The following FBXL7 variants were observed in gnomAD, a reference collection of about 807,000 sequenced individuals.
FBXL7 encodes F-box/LRR-repeat protein 7.
FBXL7 carries 12 observed loss-of-function variants against 38.3 expected under a neutral mutation model. The ratio of observed to expected loss-of-function variants is 0.31; its 90% CI spans 0.20 to 0.51. The LOEUF is 0.51. Ranked by LOEUF, FBXL7 falls within the 20% of genes least tolerant of loss-of-function variation. The pLI, the probability that FBXL7 is intolerant of heterozygous loss-of-function variation, is 0.98. For missense variants in FBXL7, 567 were observed against 676.4 expected (o/e 0.84, Z 1.79); for synonymous variants, 297 against 300.9 (o/e 0.99, Z 0.13).
chr5:15,737,634 G>A (rs1301831429), intron 2 of FBXL7, among the ~76,000 whole-genome samples: 1 of 152,148 alleles, frequency 6.6e-6, no homozygotes, highest in African/African-American at 2.4e-5. Flanking sequence ...AGGAAACCAG[G>A]ATGCTTGAGA....
Position 15,577,457 on chromosome 5 carries a change from C to T in FBXL7, c.38-38526C>T, listed in dbSNP as rs541169227. Among the ~76,000 whole-genome samples, 11 of 152,298 alleles carry T rather than the reference C, an allele frequency of 7.2e-5. No homozygotes were observed. In the East Asian group the frequency reaches 2.1e-3, roughly 29 times the overall value. On this transcript the variant is annotated intron_variant, in intron 1 of 3. Transcript: ENST00000504595. Reference sequence around the variant, plus strand: ...GAGTGACCGCTTTCTATTTAGCTAGCTGCATTGCATCATCGTTCGTTGCAG... The same window carrying T: ...GAGTGACCGCTTTCTATTTAGCTAGTTGCATTGCATCATCGTTCGTTGCAG...
chr5:15,598,094 A>T (rs942189780), intron 1 of FBXL7, among the ~76,000 whole-genome samples: 2 of 152,186 alleles, frequency 1.3e-5, no homozygotes, highest in Non-Finnish European at 2.9e-5. Context: ...GTGATTTTTT[A>T]AAAAATGCAT....
intron 2 of FBXL7, among the ~76,000 whole-genome samples, chr5:15,818,921 A>G (rs561241527): frequency 1.3e-5 from 2 of 152,232 alleles, no homozygotes; most frequent in East Asian, 3.9e-4. Flanking sequence ...ACTAAACTCC[A>G]TTAAGCTTGC....
chr5:15,575,757 AGT>A (rs758664699), intron 1 of FBXL7, among the ~76,000 whole-genome samples: 17 of 152,214 alleles, frequency 1.1e-4, no homozygotes, highest in Non-Finnish European at 2.2e-4. Context: ...AAATGTATTA[AGT>A]GTGTGTTTAT....
At chr5:15,632,104 A>G (rs1741018459) in intron 2 of FBXL7, among the ~76,000 whole-genome samples, 1 of 152,168 alleles carries the variant, frequency 6.6e-6, no homozygotes, top group Admixed American at 6.5e-5. Context: ...CACAAAGCTA[A>G]ATACAGGTTT....
chr5:15,726,454 G>A (rs1744357327), intron 2 of FBXL7, among the ~76,000 whole-genome samples: 1 of 151,986 alleles, frequency 6.6e-6, no homozygotes, highest in Admixed American at 6.6e-5. Context: ...AAACACTTTG[G>A]GAGGCTGCGG....
chr5:15,637,296 C>T (rs943032449), intron 2 of FBXL7, among the ~76,000 whole-genome samples: 2 of 152,178 alleles, frequency 1.3e-5, no homozygotes, highest in Admixed American at 6.5e-5. Context: ...AGGGGAATGG[C>T]AGGCACAGAG....
intron 2 of FBXL7, among the ~76,000 whole-genome samples, chr5:15,683,600 A>G (rs952856847): frequency 6.6e-5 from 10 of 152,238 alleles, no homozygotes; most frequent in African/African-American, 2.4e-4. Flanking sequence ...ATTTCACAAT[A>G]GACTTCCTCT....
At chr5:15,565,188 G>A (rs1738531241) in intron 1 of FBXL7, among the ~76,000 whole-genome samples, 1 of 151,978 alleles carries the variant, frequency 6.6e-6, no homozygotes, top group African/African-American at 2.4e-5. Flanking sequence ...AATATGATTA[G>A]CTTGTGCTTA....
intron 2 of FBXL7, among the ~76,000 whole-genome samples, chr5:15,782,095 T>C (rs1737008566): frequency 6.6e-6 from 1 of 152,156 alleles, no homozygotes; most frequent in African/African-American, 2.4e-5. Context: ...GGTTTTCTGC[T>C]CCTTTGTTAG....
chr5:15,911,424 T>C (rs1410679505), intron 2 of FBXL7, among the ~76,000 whole-genome samples: 1 of 138,946 alleles, frequency 7.2e-6, no homozygotes, highest in Non-Finnish European at 1.5e-5. Flanking sequence ...TTATACATTC[T>C]TCTAAATTTT....
At chr5:15,691,598 C>T (rs1027763365) in intron 2 of FBXL7, among the ~76,000 whole-genome samples, 1 of 152,180 alleles carries the variant, frequency 6.6e-6, no homozygotes, top group Non-Finnish European at 1.5e-5. Flanking sequence ...ACGTTTTCCT[C>T]TGATGCCTGT....
chr5:15,823,549 G>C (rs1050565177), intron 2 of FBXL7, among the ~76,000 whole-genome samples: 1 of 152,126 alleles, frequency 6.6e-6, no homozygotes, highest in African/African-American at 2.4e-5. Context: ...TAAATTTTGA[G>C]ATCTGTGAAT....
chr5:15,578,108 A>G (rs1288027925), intron 1 of FBXL7, among the ~76,000 whole-genome samples: 1 of 152,172 alleles, frequency 6.6e-6, no homozygotes, highest in Non-Finnish European at 1.5e-5. Flanking sequence ...CCACAGAAAT[A>G]TAGATGTTAA....
At chr5:15,574,029 T>G (rs1738877998) in intron 1 of FBXL7, among the ~76,000 whole-genome samples, 1 of 152,212 alleles carries the variant, frequency 6.6e-6, no homozygotes, top group South Asian at 2.1e-4. Flanking sequence ...ACTTAACTCT[T>G]TAAGACTTCT....
At chr5:15,501,781 T>G (rs1488922644) in intron 1 of FBXL7, 3 of 977,702 alleles carry the variant, frequency 3.1e-6, no homozygotes, top group Non-Finnish European at 3.6e-6. Context: ...AAACCGACCC[T>G]ACAAAAACCA....
intron 2 of FBXL7, among the ~76,000 whole-genome samples, chr5:15,717,799 A>G (rs1045743448): frequency 1.3e-5 from 2 of 152,204 alleles, no homozygotes; most frequent in East Asian, 1.9e-4. Flanking sequence ...AAAAAATGCC[A>G]ATGTCATGAA....
chr5:15,848,154 A>T, intron 2 of FBXL7, among the ~76,000 whole-genome samples: 1 of 152,192 alleles, frequency 6.6e-6, no homozygotes, highest in East Asian at 1.9e-4. Flanking sequence ...AATGTATTGG[A>T]CAAAAATATC....
intron 2 of FBXL7, among the ~76,000 whole-genome samples, chr5:15,841,208 G>C (rs1161529098): frequency 6.6e-6 from 1 of 151,830 alleles, no homozygotes; most frequent in East Asian, 1.9e-4. Context: ...TTTTGGTAGT[G>C]GTTGGAATTT....
Sources: allele counts gnomAD v4.1 joint callset (sites outside exome capture counted in the v4.1 genomes callset), GRCh38; gene constraint gnomAD v4.1.1; transcripts MANE v1.5; gene names NCBI Gene and HGNC (gene_info 2026-07-23, HGNC 2026-07-21).